Variants in VOPP1 observed in about 807,000 individuals in gnomAD.
The protein encoded by VOPP1 is WW domain binding protein VOPP1.
VOPP1 carries 8 observed loss-of-function variants against 23.5 expected under a neutral mutation model. The observed-to-expected ratio is 0.34, with a 90% CI of 0.20 to 0.61. VOPP1 has a LOEUF of 0.61. Among genes scored for constraint, VOPP1 ranks in the 20% least tolerant of loss-of-function variants. The pLI, the probability that VOPP1 is intolerant of heterozygous loss-of-function variation, is 0.78. For synonymous variants in VOPP1, 83 were observed against 97.3 expected, an observed-to-expected ratio of 0.85 and a Z score of 0.86; for missense variants, 174 against 238.1, an observed-to-expected ratio of 0.73 and a Z score of 1.77.
chr7:55,545,654 G>C (rs1453106043), intron 1 of VOPP1, among the ~76,000 whole-genome samples: 2 of 152,086 alleles, frequency 1.3e-5, no homozygotes, highest in African/African-American at 4.8e-5. Flanking sequence ...ACATCCACCG[G>C]GACTCAAGAG....
intron 3 of VOPP1, among the ~76,000 whole-genome samples, chr7:55,496,872 G>A (rs1793988873): frequency 6.6e-6 from 1 of 152,194 alleles, no homozygotes; most frequent in Non-Finnish European, 1.5e-5. Context: ...TTCACTGAAG[G>A]GCATCACCAC....
At position 55,525,279 on chromosome 7, in the gene VOPP1, G is replaced by A. The variant is rs181797816; in HGVS notation, c.55-4149C>T. Among the ~76,000 whole-genome samples the A allele has an allele frequency of 5.1e-4, 78 of 152,132 alleles. No homozygotes were observed. In the East Asian group the frequency reaches 0.015, roughly 28 times the overall value. On this transcript the variant is annotated intron_variant, in intron 1 of 4. Coordinates refer to ENST00000285279, the MANE Select transcript of VOPP1 (RefSeq NM_030796.5). ...GCCGAGGTGGGTGGATCACGAGTCA[G>A]GAGATCGAGACTATCCTGCCTAACA...
chr7:55,508,046 T>C (rs1384367071), intron 2 of VOPP1, among the ~76,000 whole-genome samples: 1 of 152,228 alleles, frequency 6.6e-6, no homozygotes, highest in African/African-American at 2.4e-5. Flanking sequence ...TAGGGAAATT[T>C]TACTTGTATT....
At chr7:55,569,649 AG>A (rs1378519630) in intron 1 of VOPP1, among the ~76,000 whole-genome samples, 1 of 152,250 alleles carries the variant, frequency 6.6e-6, no homozygotes, top group East Asian at 1.9e-4. Flanking sequence ...TAACATTTAT[AG>A]AACAGTGCCT....
At chr7:55,497,797 C>G in intron 2 of VOPP1, 107 bp from the exon 3 acceptor site, 3 of 922,328 alleles carry the variant, frequency 3.3e-6, no homozygotes, top group Non-Finnish European at 5.2e-6. Context: ...AGGAAGAAAT[C>G]AGTAAGAGCA....
chr7:55,511,670 A>T (rs935066740), intron 2 of VOPP1, among the ~76,000 whole-genome samples: 1 of 152,188 alleles, frequency 6.6e-6, no homozygotes, highest in South Asian at 2.1e-4. Flanking sequence ...CTTATCAGAA[A>T]CTCAAAAGAA....
intron 4 of VOPP1, among the ~76,000 whole-genome samples, chr7:55,476,046 G>C (rs1792219101): frequency 6.6e-6 from 1 of 152,210 alleles, no homozygotes; most frequent in South Asian, 2.1e-4. Context: ...AAGAAGTTCA[G>C]GCAAGGGTGG....
In VOPP1 at chr7:55,556,636, AC is replaced by A. The variant is rs5884422; in HGVS notation, c.54+15634del. On this transcript the variant is annotated intron_variant, in intron 1 of 4. Coordinates refer to ENST00000285279, the MANE Select transcript of VOPP1 (RefSeq NM_030796.5). ...ACAAATAAACCTAAAAGCTGTTGGA[AC>A]CCCCCCCCAAAACACTTCAAGCTTT... Among the ~76,000 whole-genome samples, 253 of 146,118 alleles carry A rather than the reference AC, an allele frequency of 1.7e-3. 2 individuals carry two copies. Among genetic ancestry groups the A allele is most frequent in the African/African-American group, 5.9e-3 (235 of 39,866 alleles).
chr7:55,533,890 G>A (rs2129047769), intron 1 of VOPP1, among the ~76,000 whole-genome samples: 1 of 152,218 alleles, frequency 6.6e-6, no homozygotes, highest in East Asian at 1.9e-4. Flanking sequence ...GTGGTGGGTG[G>A]GTAGGGAGGT....
chr7:55,524,748 T>C (rs184903114), intron 1 of VOPP1, among the ~76,000 whole-genome samples: 73 of 152,162 alleles, frequency 4.8e-4, no homozygotes, highest in Non-Finnish European at 6.5e-4. Flanking sequence ...AGCCTCGTGA[T>C]GGGAATGGAG....
At chr7:55,466,820 T>C (rs906051825), downstream of VOPP1, among the ~76,000 whole-genome samples, 3 of 152,100 alleles carry the variant, frequency 2.0e-5, no homozygotes, top group African/African-American at 4.8e-5. Flanking sequence ...ATTGATAAAT[T>C]AGAAAATGTT....
chr7:55,543,975 A>C (rs977789584), intron 1 of VOPP1, among the ~76,000 whole-genome samples: 2 of 152,218 alleles, frequency 1.3e-5, no homozygotes, highest in Non-Finnish European at 2.9e-5. Context: ...TTACTCAAGA[A>C]ATCTTTGCCC....
intron 1 of VOPP1, among the ~76,000 whole-genome samples, chr7:55,545,843 C>T (rs1279468191): frequency 6.6e-6 from 1 of 151,934 alleles, no homozygotes; most frequent in African/African-American, 2.4e-5. Context: ...CTGAGGTAGG[C>T]GGATCCCTTG....
intron 1 of VOPP1, among the ~76,000 whole-genome samples, chr7:55,529,325 A>G (rs1407237900): frequency 7.0e-6 from 1 of 142,724 alleles, no homozygotes; most frequent in African/African-American, 2.7e-5. Flanking sequence ...AGATGGCGCC[A>G]CTGCACTCCA....
chr7:55,454,267 A>G (rs1791312731), intron 4 of VOPP1, among the ~76,000 whole-genome samples: 1 of 152,222 alleles, frequency 6.6e-6, no homozygotes, highest in Non-Finnish European at 1.5e-5. Flanking sequence ...CAAATCCCTG[A>G]ATAGACCTAT....
intron 1 of VOPP1, among the ~76,000 whole-genome samples, chr7:55,538,047 G>A (rs766798228): frequency 3.9e-5 from 6 of 152,116 alleles, no homozygotes; most frequent in Admixed American, 3.3e-4. Context: ...AGCCTGGCCC[G>A]ACCACACTAA....
chr7:55,455,684 C>G (rs1213524636), intron 4 of VOPP1, among the ~76,000 whole-genome samples: 1 of 152,118 alleles, frequency 6.6e-6, no homozygotes, highest in Non-Finnish European at 1.5e-5. Flanking sequence ...ACAAATCTGA[C>G]AAAAATAAGC....
chr7:55,537,582 G>T, intron 1 of VOPP1: 1 of 1,535,898 alleles, frequency 6.5e-7, no homozygotes, highest in Non-Finnish European at 8.7e-7. Context: ...AGTCGCCCAC[G>T]GTCCTGTCAC....
At chr7:55,520,795 C>T (rs1167000185) in intron 2 of VOPP1, among the ~76,000 whole-genome samples, 2 of 152,216 alleles carry the variant, frequency 1.3e-5, no homozygotes, top group Non-Finnish European at 2.9e-5. Context: ...TTTTGCCTTC[C>T]ACAGACATCT....
Sources: allele counts gnomAD v4.1 joint callset (sites outside exome capture counted in the v4.1 genomes callset), GRCh38; gene constraint gnomAD v4.1.1; transcripts MANE v1.5; gene names NCBI Gene and HGNC (gene_info 2026-07-23, HGNC 2026-07-21).